The following CDH12 variants were observed in gnomAD, a reference collection of about 807,000 sequenced individuals.
CDH12 encodes the protein cadherin-12.
CDH12 carries 41 observed loss-of-function variants against 74.1 expected under a neutral mutation model. The ratio of observed to expected loss-of-function variants is 0.55; its 90% CI spans 0.43 to 0.72. The LOEUF is 0.72. Ranked by LOEUF, CDH12 falls within the 30% of genes least tolerant of loss-of-function variation. The probability of loss-of-function intolerance (pLI) is 0.00; values close to 1 mark genes in which losing one functional copy is unlikely to be tolerated. For missense variants in CDH12, 945 were observed against 977.2 expected (o/e 0.97, Z 0.44); for synonymous variants, 399 against 355.0 (o/e 1.12, Z -1.39).
chr5:22,052,535 T>A (rs1382568619), intron 5 of CDH12, among the ~76,000 whole-genome samples: 1 of 152,262 alleles, frequency 6.6e-6, no homozygotes, highest in African/African-American at 2.4e-5. Flanking sequence ...CTGAGAGGTG[T>A]TGCTTATACT....
intron 6 of CDH12, among the ~76,000 whole-genome samples, chr5:21,898,644 A>G (rs1222432818): frequency 6.6e-6 from 1 of 152,026 alleles, no homozygotes; most frequent in Non-Finnish European, 1.5e-5. Flanking sequence ...TGAGGTTGAA[A>G]TGAGCTGAGA....
At chr5:21,880,535 TTTCCTTCC>T (rs750768178) in intron 6 of CDH12, among the ~76,000 whole-genome samples, 3 of 31,300 alleles carry the variant, frequency 9.6e-5, no homozygotes, top group African/African-American at 2.0e-4. Context: ...TCTTCCTTCT[TTTCCTTCC>T]TTCCTTCCTT....
At chr5:22,105,111 G>A (rs1197596632) in intron 4 of CDH12, among the ~76,000 whole-genome samples, 4 of 149,444 alleles carry the variant, frequency 2.7e-5, no homozygotes, top group Non-Finnish European at 5.9e-5. Flanking sequence ...CTTTTTTTTT[G>A]AGATTGAGTC....
intron 1 of CDH12, among the ~76,000 whole-genome samples, chr5:22,552,447 T>TA (rs1738615930): frequency 1.3e-5 from 2 of 151,466 alleles, no homozygotes; most frequent in South Asian, 4.2e-4. Context: ...TTTTTTTTTT[T>TA]AGACAGATTT....
chr5:22,384,421 G>A (rs928429480), intron 3 of CDH12, among the ~76,000 whole-genome samples: 1 of 149,914 alleles, frequency 6.7e-6, no homozygotes, highest in Admixed American at 6.7e-5. Flanking sequence ...AGCTACTCGG[G>A]AGGCTGAGGC....
intron 11 of CDH12, among the ~76,000 whole-genome samples, chr5:21,775,785 T>C (rs1296228527): frequency 6.6e-6 from 1 of 152,156 alleles, no homozygotes; most frequent in African/African-American, 2.4e-5. Context: ...TTTGATTTTA[T>C]ATTTAATGTA....
In CDH12 at chr5:22,731,842, T is replaced by TA. The variant is rs554136605; in HGVS notation, c.-523+121215dup. On this transcript the variant is annotated intron_variant, in intron 1 of 14. Transcript: ENST00000382254. ...ATACAAAACTATGGCATGACTTAGC[T>TA]AAAAAATAAATTCCTCTTAAATAAT... is the stretch of plus-strand genomic sequence containing the variant. 3.1e-3 allele frequency among the ~76,000 whole-genome samples: 468 copies of TA among 151,940 alleles called. 4 individuals carry two copies. Among genetic ancestry groups the TA allele is most frequent in the African/African-American group, 0.011 (456 of 41,490 alleles).
At chr5:22,119,181 CT>C (rs1302555304) in intron 4 of CDH12, among the ~76,000 whole-genome samples, 1 of 151,756 alleles carries the variant, frequency 6.6e-6, no homozygotes. Context: ...AGTCCTCTCT[CT>C]TCTTACTATA....
intron 4 of CDH12, chr5:22,141,019 G>C (rs1297736325): frequency 2.0e-5 from 3 of 152,130 alleles, no homozygotes; most frequent in Non-Finnish European, 2.9e-5. Flanking sequence ...TTTCCTCCTA[G>C]TGGACAACAA....
At chr5:21,905,109 G>T (rs569170171) in intron 6 of CDH12, among the ~76,000 whole-genome samples, 6 of 152,262 alleles carry the variant, frequency 3.9e-5, no homozygotes, top group East Asian at 1.9e-4. Context: ...AATAGAAAAA[G>T]GTATCAAAAA....
chr5:22,728,761 C>CAG (rs371518594), intron 1 of CDH12, among the ~76,000 whole-genome samples: 3 of 151,308 alleles, frequency 2.0e-5, no homozygotes, highest in Non-Finnish European at 4.4e-5. Context: ...TGGCGGAGAG[C>CAG]AGAGAGAGAG....
At chr5:22,235,198 A>T (rs1752520362) in intron 3 of CDH12, among the ~76,000 whole-genome samples, 1 of 152,208 alleles carries the variant, frequency 6.6e-6, no homozygotes, top group African/African-American at 2.4e-5. Flanking sequence ...GTAAGCATGT[A>T]TACTAGGTCG....
chr5:21,782,187 C>A (rs1223410376), intron 11 of CDH12, among the ~76,000 whole-genome samples: 2 of 152,184 alleles, frequency 1.3e-5, no homozygotes, highest in African/African-American at 4.8e-5. Context: ...AACCTGAGCA[C>A]CGCAACGTGG....
intron 2 of CDH12, among the ~76,000 whole-genome samples, chr5:22,461,411 A>C (rs1283868919): frequency 6.6e-6 from 1 of 152,066 alleles, no homozygotes; most frequent in Non-Finnish European, 1.5e-5. Flanking sequence ...ACTGTTAAAA[A>C]AAAATGAACA....
At chr5:22,032,035 C>T (rs922988520) in intron 5 of CDH12, among the ~76,000 whole-genome samples, 23 of 151,274 alleles carry the variant, frequency 1.5e-4, no homozygotes, top group African/African-American at 5.3e-4. Context: ...AAACAAAAAA[C>T]AATATCTGCA....
intron 4 of CDH12, among the ~76,000 whole-genome samples, chr5:22,180,476 TCA>T (rs1749573587): frequency 6.7e-6 from 1 of 149,242 alleles, no homozygotes; most frequent in Non-Finnish European, 1.5e-5. Flanking sequence ...AATACAAAAA[TCA>T]CAGTTTTTGA....
chr5:22,547,330 T>C (rs1165167946), intron 1 of CDH12, among the ~76,000 whole-genome samples: 1 of 152,148 alleles, frequency 6.6e-6, no homozygotes, highest in East Asian at 1.9e-4. Flanking sequence ...CATGGGTAAG[T>C]ATCTCTCTCA....
At chr5:22,746,546 G>T (rs1745305209) in intron 1 of CDH12, among the ~76,000 whole-genome samples, 2 of 152,244 alleles carry the variant, frequency 1.3e-5, no homozygotes, top group South Asian at 4.2e-4. Flanking sequence ...CCAAGAAAGA[G>T]TTAGACATTA....
intron 1 of CDH12, among the ~76,000 whole-genome samples, chr5:22,572,380 T>G (rs1366201638): frequency 6.6e-6 from 1 of 152,228 alleles, no homozygotes; most frequent in Non-Finnish European, 1.5e-5. Context: ...ATTAGTTAAT[T>G]GTATCAAAGG....
Sources: gnomAD v4.1 joint callset for allele counts (sites outside exome capture counted in the v4.1 genomes callset) on GRCh38, gnomAD v4.1.1 for gene constraint, MANE v1.5 for transcripts, NCBI Gene and HGNC (gene_info 2026-07-23, HGNC 2026-07-21) for gene names.